The following FGGY variants were observed in gnomAD, a reference collection of about 807,000 sequenced individuals.
FGGY encodes FGGY carbohydrate kinase domain containing.
In FGGY, 72 loss-of-function variants were observed where a neutral mutation model predicts 71.3. The observed-to-expected ratio is 1.01, with a 90% CI of 0.84 to 1.23. FGGY has a LOEUF of 1.23. Among genes scored for constraint, FGGY ranks in the 50% most tolerant of loss-of-function variants. The pLI is 0.00. For missense variants in FGGY, 668 were observed against 682.3 expected (o/e 0.98, Z 0.23); for synonymous variants, 251 against 250.3 (o/e 1.00, Z -0.02).
At chr1:59,744,596 G>T (rs539285865) in intron 14 of FGGY, among the ~76,000 whole-genome samples, 1 of 152,344 alleles carries the variant, frequency 6.6e-6, no homozygotes, top group African/African-American at 2.4e-5. Flanking sequence ...GATCCTAACT[G>T]TCTGACATCG....
chr1:59,394,192 G>C (rs1445805075), intron 5 of FGGY, among the ~76,000 whole-genome samples: 1 of 152,180 alleles, frequency 6.6e-6, no homozygotes, highest in Non-Finnish European at 1.5e-5. Context: ...CCTGCAAAGG[G>C]TACACTGATC....
chr1:59,385,368 A>G (rs1299300874), intron 5 of FGGY, among the ~76,000 whole-genome samples: 1 of 150,166 alleles, frequency 6.7e-6, no homozygotes, highest in East Asian at 2.0e-4. Context: ...GTTAATAATA[A>G]TAATGGTAAT....
At chr1:59,635,215 AT>A (rs367742081) in intron 10 of FGGY, among the ~76,000 whole-genome samples, 9 of 152,222 alleles carry the variant, frequency 5.9e-5, no homozygotes, top group African/African-American at 2.2e-4. Context: ...ATTTTGAATG[AT>A]ATACTCAGAT....
At chr1:59,399,339 G>A (rs1295136255) in intron 5 of FGGY, among the ~76,000 whole-genome samples, 1 of 152,060 alleles carries the variant, frequency 6.6e-6, no homozygotes, top group African/African-American at 2.4e-5. Context: ...ATACTTATAT[G>A]TCAGGCATTA....
At chr1:59,701,499 C>G (rs1249049589) in intron 14 of FGGY, among the ~76,000 whole-genome samples, 1 of 152,142 alleles carries the variant, frequency 6.6e-6, no homozygotes, top group Non-Finnish European at 1.5e-5. Context: ...TCTATCTCTG[C>G]TTGGATAAAA....
At chr1:59,757,515 T>A (rs1232655463) in intron 14 of FGGY, among the ~76,000 whole-genome samples, 2 of 152,194 alleles carry the variant, frequency 1.3e-5, no homozygotes, top group Non-Finnish European at 2.9e-5. Context: ...GTGAGTTCCA[T>A]TCCGTGATTG....
At chr1:59,630,961 G>T (rs1443197123) in intron 10 of FGGY, among the ~76,000 whole-genome samples, 1 of 151,890 alleles carries the variant, frequency 6.6e-6, no homozygotes, top group Non-Finnish European at 1.5e-5. Flanking sequence ...CTCCTTCCTT[G>T]CCCACTGCAG....
At chr1:59,668,860 G>T (rs922500387) in intron 13 of FGGY, among the ~76,000 whole-genome samples, 1 of 151,758 alleles carries the variant, frequency 6.6e-6, no homozygotes, top group Non-Finnish European at 1.5e-5. Flanking sequence ...GCGTGGTGGC[G>T]CATGCCTGTA....
At chr1:59,566,839 A>G (rs547594263) in intron 8 of FGGY, among the ~76,000 whole-genome samples, 209 of 152,298 alleles carry the variant, frequency 1.4e-3, no homozygotes, top group African/African-American at 4.7e-3. Context: ...TAAAACATCT[A>G]GAGAACTGAG....
chr1:59,480,591 T>A (rs969891997), intron 6 of FGGY, among the ~76,000 whole-genome samples: 6 of 151,802 alleles, frequency 4.0e-5, no homozygotes, highest in Non-Finnish European at 7.4e-5. Context: ...AAAATGAGAG[T>A]TGTGTTATTT....
chr1:59,434,402 TA>T (rs1465276808), intron 5 of FGGY, among the ~76,000 whole-genome samples: 1 of 152,142 alleles, frequency 6.6e-6, no homozygotes, highest in Non-Finnish European at 1.5e-5. Flanking sequence ...TTCCAAGCAA[TA>T]GCATTTTCAA....
chr1:59,373,957 G>A (rs1220602660), intron 4 of FGGY, among the ~76,000 whole-genome samples: 1 of 152,132 alleles, frequency 6.6e-6, no homozygotes, highest in African/African-American at 2.4e-5. Context: ...AACCCTAGAA[G>A]AAACCCAGGC....
intron 5 of FGGY, among the ~76,000 whole-genome samples, chr1:59,442,856 A>G (rs2070291944): frequency 6.6e-6 from 1 of 152,216 alleles, no homozygotes; most frequent in Non-Finnish European, 1.5e-5. Flanking sequence ...GCACAATGGG[A>G]AAAGAGTGGC....
intron 2 of FGGY, among the ~76,000 whole-genome samples, chr1:59,328,500 T>C (rs922913464): frequency 1.3e-5 from 2 of 152,236 alleles, no homozygotes; most frequent in African/African-American, 4.8e-5. Context: ...ATCTTCTATC[T>C]AGACCACTCA....
intron 11 of FGGY, among the ~76,000 whole-genome samples, chr1:59,644,150 G>T (rs766577907): frequency 6.6e-6 from 1 of 151,902 alleles, no homozygotes; most frequent in African/African-American, 2.4e-5. Flanking sequence ...TAAGGTACTA[G>T]TTTCCTTCCC....
chr1:59,322,478 T>G (rs115090192), intron 2 of FGGY, among the ~76,000 whole-genome samples: 1 of 152,126 alleles, frequency 6.6e-6, no homozygotes, highest in African/African-American at 2.4e-5. Context: ...AAAGTCCAAT[T>G]GTATCATTCC....
chr1:59,580,647 C>T (rs1263169945), intron 8 of FGGY, among the ~76,000 whole-genome samples: 10 of 152,166 alleles, frequency 6.6e-5, no homozygotes, highest in African/African-American at 2.4e-4. Context: ...GCAGGTCCTT[C>T]TCATGTTGTA....
intron 14 of FGGY, among the ~76,000 whole-genome samples, chr1:59,718,631 T>C (rs1204015627): frequency 6.6e-6 from 1 of 152,204 alleles, no homozygotes; most frequent in Non-Finnish European, 1.5e-5. Context: ...GGGATGGTGA[T>C]ATGATGATGG....
intron 8 of FGGY, among the ~76,000 whole-genome samples, chr1:59,584,530 A>G (rs1441272532): frequency 6.7e-6 from 1 of 150,002 alleles, no homozygotes; most frequent in Admixed American, 6.6e-5. Flanking sequence ...CAAAATAATA[A>G]GACCTATCTA....
Sources: gnomAD v4.1 joint callset for allele counts (sites outside exome capture counted in the v4.1 genomes callset) on GRCh38, gnomAD v4.1.1 for gene constraint, MANE v1.5 for transcripts, NCBI Gene and HGNC (gene_info 2026-07-23, HGNC 2026-07-21) for gene names.